CDC42EP1: variants seen among roughly 807,000 people sequenced by gnomAD.
CDC42EP1 encodes the protein 55 kDa bone marrow stromal/endothelial cell protein.
A neutral mutation model predicts 7.4 loss-of-function variants in CDC42EP1; 6 were observed. The ratio of observed to expected loss-of-function variants is 0.81; its 90% CI spans 0.44 to 1.60. The LOEUF (loss-of-function observed/expected upper bound fraction) is 1.60, where lower values mean the gene tolerates loss of function less well. Ranked by LOEUF, CDC42EP1 falls within the 40% of genes most tolerant of loss-of-function variation. CDC42EP1 has a pLI of 0.01. For missense variants in CDC42EP1, 567 were observed against 539.0 expected (o/e 1.05, Z -0.51); for synonymous variants, 238 against 227.1 (o/e 1.05, Z -0.43).
Position 37,566,523 on chromosome 22 carries a change from C to CG in CDC42EP1, c.178dup (p.Asp60GlyfsTer115), listed in dbSNP as rs1925247614. The stretch of plus-strand genomic sequence containing the variant: ...ATGTGGGCCGTGGCGGGGATGTCTT[C>CG]GGGGACACGTCCTTCCTCAGCAACC... On this transcript the variant is annotated frameshift_variant, in exon 2 of 3. Coordinates refer to ENST00000249014, the MANE Select transcript of CDC42EP1 (RefSeq NM_152243.3). LOFTEE classifies it high-confidence loss of function. The surrounding 1 kb of genome is among the most constrained non-coding windows in gnomAD (Gnocchi z 6.4). The CG allele has an allele frequency of 6.2e-7, 1 of 1,611,644 alleles. No homozygotes were observed. The highest frequency in any genetic ancestry group is 8.5e-7 in the Non-Finnish European group (1 of 1,178,538).
rs1925335335 is a variant in CDC42EP1 at position 37,568,375 on chromosome 22, AC to A, written c.737del (p.Pro246GlnfsTer45). ...GCAAACCCCACGGGTCCTGCTGCAAACCCCCCAGCCACTACTGCAAACCCCC... is the reference window on the plus strand; with the variant it reads ...GCAAACCCCACGGGTCCTGCTGCAAACCCCCAGCCACTACTGCAAACCCCC... ...PTANPTGPAANPPATTANPPA... is the reference protein window; with the variant it reads ...PTANPTGPAAXPPATTANPPA... On this transcript the variant is annotated frameshift_variant, in exon 3 of 3. Transcript: ENST00000249014. LOFTEE classifies it low-confidence loss of function (END_TRUNC). 16 of 1,432,790 alleles carry A rather than the reference AC, an allele frequency of 1.1e-5. No homozygotes were observed. Among genetic ancestry groups the A allele is most frequent in the African/African-American group, 3.0e-5 (2 of 67,460 alleles). 88.8% of individuals were successfully genotyped at this position (1,432,790 alleles called of 1,614,324 possible).
intron 1 of CDC42EP1, among the ~76,000 whole-genome samples, chr22:37,563,977 C>T (rs141012134): frequency 1.4e-4 from 22 of 152,314 alleles, no homozygotes; most frequent in African/African-American, 4.1e-4. Flanking sequence ...AAAATCCAGG[C>T]GGCCTCCCCA....
At chr22:37,562,676 A>C (rs1457902891) in intron 1 of CDC42EP1, among the ~76,000 whole-genome samples, 1 of 152,000 alleles carries the variant, frequency 6.6e-6, no homozygotes, top group Non-Finnish European at 1.5e-5. Context: ...GGTGGGTACT[A>C]TTGGGGGGGT....
chr22:37,566,870 G>A lies in CDC42EP1; in HGVS notation c.463+58G>A. On this transcript the variant is annotated intron_variant, in intron 2 of 2. Coordinates refer to ENST00000249014, the MANE Select transcript of CDC42EP1 (RefSeq NM_152243.3). The surrounding 1 kb of genome is among the most constrained non-coding windows in gnomAD (Gnocchi z 6.4). Reference sequence around the variant, plus strand: ...AGAGGCTGAGGCTGAGGCCCAGAGGGGTTCAGTGGCTCCTCCAAGCTCCAA... The same window carrying A: ...AGAGGCTGAGGCTGAGGCCCAGAGGAGTTCAGTGGCTCCTCCAAGCTCCAA... 1 of 1,326,874 alleles carries A rather than the reference G, an allele frequency of 7.5e-7. No homozygotes were observed. Among genetic ancestry groups the A allele is most frequent in the Admixed American group, 2.4e-5 (1 of 41,572 alleles). The allele number at this position is 1,326,874 out of a possible 1,614,324, so 82.2% of individuals were successfully genotyped here.
At position 37,566,099 on chromosome 22, in the gene CDC42EP1, C is replaced by T. The variant is rs1011317755; in HGVS notation, c.-251C>T. Reference sequence around the variant, plus strand: ...CTCCACCTCTGGGCAGGAGAGTTGCCGACCACCTCGGGGGTGCTTTCTCTG... The same window carrying T: ...CTCCACCTCTGGGCAGGAGAGTTGCTGACCACCTCGGGGGTGCTTTCTCTG... On this transcript the variant is annotated 5_prime_UTR_variant, in exon 2 of 3. Coordinates refer to ENST00000249014, the MANE Select transcript of CDC42EP1 (RefSeq NM_152243.3). This position sits in a 1 kb window ranked among gnomAD's most constrained non-coding sequence, Gnocchi z 6.4. 3 of 386,850 alleles carry T rather than the reference C, an allele frequency of 7.8e-6. No individual in the cohort carries two copies. Among genetic ancestry groups the T allele is most frequent in the Non-Finnish European group, 1.4e-5 (3 of 217,644 alleles). 24.0% of individuals were successfully genotyped at this position (386,850 alleles called of 1,614,324 possible). A position where few individuals can be genotyped will look rare whatever the true frequency, so the allele number is the denominator to read the frequency against.
At chr22:37,560,838 T>C (rs1367665173) in intron 1 of CDC42EP1, among the ~76,000 whole-genome samples, 2 of 151,596 alleles carry the variant, frequency 1.3e-5, no homozygotes, top group African/African-American at 4.8e-5. Context: ...CGGACACGGC[T>C]GAGCGGCCAA....
chr22:37,564,864 T>C (rs533275605), intron 1 of CDC42EP1, among the ~76,000 whole-genome samples: 81 of 152,222 alleles, frequency 5.3e-4, no homozygotes, highest in African/African-American at 1.3e-3. Flanking sequence ...CTGCAACCTC[T>C]GCCTCCCGGG....
Position 37,568,402 on chromosome 22 carries a change from CAG to C in CDC42EP1, c.759_760del (p.Pro255CysfsTer44). On this transcript the variant is annotated frameshift_variant, in exon 3 of 3. Transcript: ENST00000249014. LOFTEE classifies it low-confidence loss of function (END_TRUNC). Reference sequence around the variant, plus strand: ...CCCCCAGCCACTACTGCAAACCCCCCAGCGCCTGCTGCAAACCCCTCAGCACC... The same window carrying C: ...CCCCCAGCCACTACTGCAAACCCCCCCGCCTGCTGCAAACCCCTCAGCACC... The C allele has an allele frequency of 2.8e-6, 1 of 354,576 alleles. No homozygotes were observed. Among genetic ancestry groups the C allele is most frequent in the Non-Finnish European group, 4.7e-6 (1 of 213,950 alleles). The allele number at this position is 354,576 out of a possible 1,614,324, so 22.0% of individuals were successfully genotyped here.
intron 1 of CDC42EP1, among the ~76,000 whole-genome samples, chr22:37,561,118 G>A (rs750005170): frequency 3.3e-5 from 5 of 152,070 alleles, no homozygotes; most frequent in Non-Finnish European, 7.4e-5. Context: ...ACAGCCGGTC[G>A]TCCCCTTCCC....
Position 37,566,890 on chromosome 22 carries a change from C to A in CDC42EP1, c.463+78C>A. 1.8e-6 allele frequency: 2 copies of A among 1,103,206 alleles called. No homozygotes were observed. The highest frequency in any genetic ancestry group is 2.6e-6 in the Non-Finnish European group (2 of 774,786). 68.3% of individuals were successfully genotyped at this position (1,103,206 alleles called of 1,614,324 possible). A position where few individuals can be genotyped will look rare whatever the true frequency, so the allele number is the denominator to read the frequency against. On this transcript the variant is annotated intron_variant, in intron 2 of 2. Coordinates refer to ENST00000249014, the MANE Select transcript of CDC42EP1 (RefSeq NM_152243.3). This position sits in a 1 kb window ranked among gnomAD's most constrained non-coding sequence, Gnocchi z 6.4. ...AGAGGGGTTCAGTGGCTCCTCCAAGCTCCAAGTGAGCTCCAAGTGACCACA... is the reference window on the plus strand; with the variant it reads ...AGAGGGGTTCAGTGGCTCCTCCAAGATCCAAGTGAGCTCCAAGTGACCACA...
intron 1 of CDC42EP1, among the ~76,000 whole-genome samples, chr22:37,564,109 C>T (rs984780090): frequency 2.6e-5 from 4 of 152,180 alleles, no homozygotes; most frequent in African/African-American, 9.7e-5. Flanking sequence ...TGACCTCTAG[C>T]CAGCTTTGCC....
At position 37,568,126 on chromosome 22, in the gene CDC42EP1, G is replaced by A. The variant is rs758221624; in HGVS notation, c.482G>A (p.Cys161Tyr). The change falls in exon 3 of 3, where the codon TGC (cysteine) becomes TAC (tyrosine). Residue 161 changes from cysteine (C) to tyrosine (Y), a missense_variant. Physicochemically the swap from Cys to Tyr is radical, Grantham distance 194. Coordinates refer to ENST00000249014, the MANE Select transcript of CDC42EP1 (RefSeq NM_152243.3). ...CTTCTAGGCCTGGACTCTGGGTTCT[G>A]CACCATCTCCCGCCTGCCCCGCTCG... ...HSSYGLDSGF[C>Y]TISRLPRSEK... 11 of 1,613,144 alleles carry A rather than the reference G, an allele frequency of 6.8e-6. No individual in the cohort carries two copies. In the South Asian group the frequency reaches 9.9e-5, roughly 15 times the overall value.
rs1925349263 is a variant in CDC42EP1, at chr22:37,568,468, C to T, written c.824C>T (p.Ala275Val). ...ACGGGTCCTGCTGCAAATCCCCCAG[C>T]CCCTGCCGCAAGCTCCACACCCCAT... is the stretch of plus-strand genomic sequence containing the variant. Reference protein sequence around the residue: ...TPTGPAANPPAPAASSTPHGH... With the variant: ...TPTGPAANPPVPAASSTPHGH... Residue 275 changes from alanine to valine, a missense_variant, in exon 3 of 3, where the codon GCC becomes GTC. By Grantham distance (64) the Ala-to-Val change is moderately conservative (BLOSUM62 0). Coordinates refer to ENST00000249014, the MANE Select transcript of CDC42EP1 (RefSeq NM_152243.3). 1.2e-6 allele frequency: 2 copies of T among 1,603,334 alleles called. No individual in the cohort carries two copies. Among genetic ancestry groups the T allele is most frequent in the African/African-American group, 1.3e-5 (1 of 74,708 alleles).
In CDC42EP1 at chr22:37,566,144, G is replaced by A. The variant is rs1925225517; in HGVS notation, c.-206G>A. On this transcript the variant is annotated 5_prime_UTR_variant, in exon 2 of 3. Coordinates refer to ENST00000249014, the MANE Select transcript of CDC42EP1 (RefSeq NM_152243.3). The surrounding 1 kb of genome is among the most constrained non-coding windows in gnomAD (Gnocchi z 6.4). ...TCTCTGCGCTTGAACATCTATAGCT[G>A]CTTCTGAGGGGCTGGGAGCCGGGCC... 2.2e-6 allele frequency: 1 copy of A among 446,020 alleles called. No homozygotes were observed. The highest frequency in any genetic ancestry group is 2.0e-5 in the African/African-American group (1 of 48,966). 27.6% of individuals were successfully genotyped at this position (446,020 alleles called of 1,614,324 possible).
chr22:37,563,318 G>C (rs1178534687), intron 1 of CDC42EP1, among the ~76,000 whole-genome samples: 2 of 152,182 alleles, frequency 1.3e-5, no homozygotes, highest in African/African-American at 2.4e-5. Flanking sequence ...CCTTCCCTCC[G>C]AACCTCAGTG....
chr22:37,568,465 C>T lies in CDC42EP1; in HGVS notation c.821C>T (p.Pro274Leu), dbSNP rs1415044891. Reference sequence around the variant, plus strand: ...CCCACGGGTCCTGCTGCAAATCCCCCAGCCCCTGCCGCAAGCTCCACACCC... The same window carrying T: ...CCCACGGGTCCTGCTGCAAATCCCCTAGCCCCTGCCGCAAGCTCCACACCC... ...ATPTGPAANP[P>L]APAASSTPHG... Residue 274 changes from proline to leucine, a missense_variant, in exon 3 of 3, where the codon CCA (proline) becomes CTA (leucine). Physicochemically the swap from Pro to Leu is moderately conservative, Grantham distance 98. Transcript: ENST00000249014. 6.2e-7 allele frequency: 1 copy of T among 1,603,016 alleles called. No homozygotes were observed. The highest frequency in any genetic ancestry group is 1.3e-5 in the African/African-American group (1 of 74,816).
At chr22:37,567,831 TTGGGCTAGCTCCTTC>T (rs1925299735) in intron 2 of CDC42EP1, among the ~76,000 whole-genome samples, 1 of 152,230 alleles carries the variant, frequency 6.6e-6, no homozygotes, top group African/African-American at 2.4e-5. Context: ...TTCTATGGCC[TTGGGCTAGCTCCTTC>T]GCCCCATCCC....
intron 2 of CDC42EP1, among the ~76,000 whole-genome samples, chr22:37,567,131 C>A (rs546332363): frequency 6.6e-6 from 1 of 152,192 alleles, no homozygotes; most frequent in South Asian, 2.1e-4. Context: ...CCAAAGCCTT[C>A]CCCTCATGTC....
chr22:37,564,945 AT>A (rs1265932250), intron 1 of CDC42EP1, among the ~76,000 whole-genome samples: 1 of 152,022 alleles, frequency 6.6e-6, no homozygotes, highest in African/African-American at 2.4e-5. Context: ...CGCCCAGCTA[AT>A]TTTTTGTATT....
Sources: gnomAD v4.1 joint callset for allele counts (sites outside exome capture counted in the v4.1 genomes callset) on GRCh38, gnomAD v4.1.1 for gene constraint, Gnocchi (gnomAD v3.1) non-coding constraint, MANE v1.5 for transcripts, NCBI Gene and HGNC (gene_info 2026-07-23, HGNC 2026-07-21) for gene names.